The following PGM5 variants were observed in gnomAD, a reference collection of about 807,000 sequenced individuals.
PGM5 encodes the protein phosphoglucomutase 5, also known as phosphoglucomutase-like protein 5.
In PGM5, 23 loss-of-function variants were observed where a neutral mutation model predicts 59.2. The ratio of observed to expected loss-of-function variants is 0.39; its 90% CI spans 0.28 to 0.55. PGM5 has a LOEUF of 0.55. Ranked by LOEUF, PGM5 falls within the 20% of genes least tolerant of loss-of-function variation. PGM5 has a pLI of 0.66. For synonymous variants in PGM5, 214 were observed against 286.0 expected, an observed-to-expected ratio of 0.75 and a Z score of 2.54; for missense variants, 574 against 748.3, an observed-to-expected ratio of 0.77 and a Z score of 2.72.
chr9:68,488,091 C>A (rs747017373), intron 9 of PGM5, among the ~76,000 whole-genome samples: 2 of 152,042 alleles, frequency 1.3e-5, no homozygotes, highest in Non-Finnish European at 2.9e-5. Flanking sequence ...AAAAAAGCAT[C>A]CTTGGGAAAG....
intron 6 of PGM5, among the ~76,000 whole-genome samples, chr9:68,433,634 G>T (rs1296527383): frequency 1.3e-5 from 2 of 152,310 alleles, no homozygotes; most frequent in Non-Finnish European, 1.5e-5. Flanking sequence ...GTTTATGCAT[G>T]ATCTTAAATG....
In PGM5 at chr9:68,387,568, G is replaced by A. The variant is rs782741271; in HGVS notation, c.677G>A (p.Arg226His). The A allele has an allele frequency of 2.9e-5, 47 of 1,611,962 alleles. 1 individual carries two copies. In the South Asian group the frequency reaches 3.8e-4, roughly 13 times the overall value. The change falls in exon 4 of 11, where the codon CGC becomes CAC. Residue 226 changes from arginine (R) to histidine (H), a missense_variant. Arg to His is a conservative substitution (Grantham distance 29). Around this residue, in one of 7 missense-constraint regions of PGM5, gnomAD observed 103 missense variants for 112.4 expected, o/e 0.92. Transcript: ENST00000396396. ...LLTGPSQLKIRIDAMHGVMGP... is the reference protein window; with the variant it reads ...LLTGPSQLKIHIDAMHGVMGP... ...ACTGGACCCAGCCAACTGAAGATTC[G>A]CATTGACGCAATGCACGGAGGTAAG...
intron 9 of PGM5, chr9:68,496,867 C>T (rs1242567754): frequency 6.6e-6 from 1 of 152,084 alleles, no homozygotes; most frequent in African/African-American, 2.4e-5. Flanking sequence ...AGAGGTAATC[C>T]CAAGTGACTT....
intron 5 of PGM5, among the ~76,000 whole-genome samples, chr9:68,391,930 C>A (rs2132011073): frequency 6.6e-6 from 1 of 152,236 alleles, no homozygotes; most frequent in Non-Finnish European, 1.5e-5. Context: ...TACGTTATGG[C>A]ATACAAAGGT....
chr9:68,370,608 A>T (rs1430552704), intron 1 of PGM5, among the ~76,000 whole-genome samples: 1 of 152,232 alleles, frequency 6.6e-6, no homozygotes, highest in Non-Finnish European at 1.5e-5. Context: ...CACAAAATGT[A>T]AAGGAATAGA....
At chr9:68,447,206 G>A (rs997463208) in intron 6 of PGM5, among the ~76,000 whole-genome samples, 1 of 152,154 alleles carries the variant, frequency 6.6e-6, no homozygotes, top group African/African-American at 2.4e-5. Context: ...AAATGCAGCC[G>A]ACCTCTTAGT....
In PGM5 at chr9:68,384,266, A is replaced by G. The variant is rs1822157144; in HGVS notation, c.425-132A>G. Reference sequence around the variant, plus strand: ...TATAAGAAATATCAAGGCTAATTGAACTGTGAACCATTGATCATTGTTTAG... The same window carrying G: ...TATAAGAAATATCAAGGCTAATTGAGCTGTGAACCATTGATCATTGTTTAG... On this transcript the variant is annotated intron_variant, in intron 2 of 10. Transcript: ENST00000396396. The G allele has an allele frequency of 4.6e-6, 3 of 654,672 alleles. No individual in the cohort carries two copies. In the Admixed American group the frequency reaches 7.7e-5, roughly 17 times the overall value. 40.6% of individuals were successfully genotyped at this position (654,672 alleles called of 1,614,324 possible).
intron 9 of PGM5, among the ~76,000 whole-genome samples, chr9:68,494,747 T>C (rs534835882): frequency 6.6e-6 from 1 of 152,344 alleles, no homozygotes; most frequent in South Asian, 2.1e-4. Context: ...TAAGACATCT[T>C]GAGAAATGGT....
chr9:68,369,614 G>T (rs2131981455), intron 1 of PGM5, among the ~76,000 whole-genome samples: 1 of 152,274 alleles, frequency 6.6e-6, no homozygotes, highest in East Asian at 1.9e-4. Context: ...TCTTCTCAAT[G>T]AAATCTTGAG....
At chr9:68,432,414 T>C (rs1823368780) in intron 6 of PGM5, among the ~76,000 whole-genome samples, 1 of 152,068 alleles carries the variant, frequency 6.6e-6, no homozygotes, top group Non-Finnish European at 1.5e-5. Context: ...TTGGCCAGGC[T>C]GATCTTGAAC....
At chr9:68,400,087 A>G (rs1230731165) in intron 6 of PGM5, among the ~76,000 whole-genome samples, 1 of 152,090 alleles carries the variant, frequency 6.6e-6, no homozygotes, top group Non-Finnish European at 1.5e-5. Flanking sequence ...GTAATAGTCA[A>G]TAAACTGTTC....
At chr9:68,474,444 C>T (rs1184833732) in intron 7 of PGM5, among the ~76,000 whole-genome samples, 2 of 151,948 alleles carry the variant, frequency 1.3e-5, no homozygotes, top group African/African-American at 4.8e-5. Context: ...TTTATTTTTC[C>T]CTTTTCTTTT....
Position 68,357,356 on chromosome 9 carries a change from G to C in PGM5, c.229G>C (p.Glu77Gln). ...DGRYFSRTAI[E>Q]IVVQMAAANG... The stretch of plus-strand genomic sequence containing the variant: ...CAGGTACTTTAGCAGGACGGCCATC[G>C]AGATCGTGGTGCAGATGGCCGCGGC... Residue 77 changes from glutamate (E) to glutamine (Q), a missense_variant, in exon 1 of 11, where the codon GAG becomes CAG. Glu to Gln is a conservative substitution (Grantham distance 29). Around this residue, in one of 7 missense-constraint regions of PGM5, gnomAD observed 61 missense variants for 133.3 expected, o/e 0.46. Coordinates refer to ENST00000396396, the MANE Select transcript of PGM5 (RefSeq NM_021965.4). The C allele has an allele frequency of 6.4e-7, 1 of 1,562,262 alleles. No individual in the cohort carries two copies. The highest frequency in any genetic ancestry group is 8.6e-7 in the Non-Finnish European group (1 of 1,156,622).
intron 1 of PGM5, among the ~76,000 whole-genome samples, chr9:68,377,004 G>A (rs1195215953): frequency 1.3e-5 from 2 of 151,090 alleles, no homozygotes; most frequent in African/African-American, 2.4e-5. Context: ...TTAGCTCACT[G>A]CAACCTCTGC....
At chr9:68,512,073 G>C (rs1824758618) in intron 10 of PGM5, among the ~76,000 whole-genome samples, 1 of 152,152 alleles carries the variant, frequency 6.6e-6, no homozygotes. Context: ...CTGCCCTCCT[G>C]GCTTGGAGTA....
In PGM5 at chr9:68,387,562, A is replaced by C; in HGVS notation, c.671A>C (p.Lys224Thr). ...TTGCTGACTGGACCCAGCCAACTGA[A>C]GATTCGCATTGACGCAATGCACGGA... is the stretch of plus-strand genomic sequence containing the variant. ...KGLLTGPSQLKIRIDAMHGVM... is the reference protein window; with the variant it reads ...KGLLTGPSQLTIRIDAMHGVM... Residue 224 changes from lysine (K) to threonine (T), a missense_variant, in exon 4 of 11, where the codon AAG becomes ACG. By Grantham distance (78) the Lys-to-Thr change is moderately conservative. Transcript: ENST00000396396. 1 of 1,612,180 alleles carries C rather than the reference A, an allele frequency of 6.2e-7. No homozygotes were observed. Among genetic ancestry groups the C allele is most frequent in the Middle Eastern group, 1.7e-4 (1 of 6,036 alleles).
intron 10 of PGM5, among the ~76,000 whole-genome samples, chr9:68,499,716 C>T (rs149914404): frequency 4.1e-4 from 63 of 152,286 alleles, no homozygotes; most frequent in Non-Finnish European, 5.9e-4. Context: ...GCCTTGACTA[C>T]GCTTATGTAA....
intron 6 of PGM5, among the ~76,000 whole-genome samples, chr9:68,452,341 C>A (rs782509908): frequency 9.9e-5 from 15 of 152,208 alleles, no homozygotes; most frequent in Non-Finnish European, 1.8e-4. Flanking sequence ...CCAAGAGCCC[C>A]TACACGGAAT....
At chr9:68,406,769 A>G (rs1448411809) in intron 6 of PGM5, among the ~76,000 whole-genome samples, 5 of 139,282 alleles carry the variant, frequency 3.6e-5, no homozygotes, top group Admixed American at 3.0e-4. Flanking sequence ...TATGCGTTCA[A>G]TGAAGTTAGC....
Sources: allele counts gnomAD v4.1 joint callset (sites outside exome capture counted in the v4.1 genomes callset), GRCh38; gene constraint gnomAD v4.1.1; regional missense constraint gnomAD v4.1.1; transcripts MANE v1.5; gene names NCBI Gene and HGNC (gene_info 2026-07-23, HGNC 2026-07-21).